The following LAMA5 variants were observed in gnomAD, a reference collection of about 807,000 sequenced individuals.
LAMA5 encodes the protein laminin subunit alpha 5, also known as laminin subunit alpha-5.
LAMA5 carries 260 observed loss-of-function variants against 433.4 expected under a neutral mutation model. The observed-to-expected ratio is 0.60, with a 90% CI of 0.54 to 0.66. The LOEUF (loss-of-function observed/expected upper bound fraction) is 0.66, where lower values mean the gene tolerates loss of function less well. Ranked by LOEUF, LAMA5 falls within the 30% of genes least tolerant of loss-of-function variation. The probability of loss-of-function intolerance (pLI) is 0.00; values close to 1 mark genes in which losing one functional copy is unlikely to be tolerated. For synonymous variants in LAMA5, 2,620 were observed against 2,226.6 expected (o/e 1.18, Z -4.97); for missense variants, 5,378 against 5,258.5 (o/e 1.02, Z -0.70).
Position 62,324,568 on chromosome 20 carries a change from G to T in LAMA5, c.5530-14C>A. 6.3e-7 allele frequency: 1 copy of T among 1,585,052 alleles called. No individual in the cohort carries two copies. The highest frequency in any genetic ancestry group is 1.7e-4 in the Middle Eastern group (1 of 6,024). On this transcript the variant is annotated splice_polypyrimidine_tract_variant and intron_variant, in intron 41 of 79. Coordinates refer to ENST00000252999, the MANE Select transcript of LAMA5 (RefSeq NM_005560.6). The surrounding 1 kb of genome is among the most constrained non-coding windows in gnomAD (Gnocchi z 4.4). ...GGGGGCACATTCCTGAGGGTGTACGGGGGCAGGTGGCATCAGCGATTGAGA... is the reference window on the plus strand; with the variant it reads ...GGGGGCACATTCCTGAGGGTGTACGTGGGCAGGTGGCATCAGCGATTGAGA...
intron 11 of LAMA5, 32 bp from the exon 12 acceptor site, chr20:62,338,640 G>A (rs1982100557): frequency 6.3e-7 from 1 of 1,591,574 alleles, no homozygotes; most frequent in African/African-American, 1.3e-5. Context: ...GGGAGTCTCA[G>A]ATGCCCTGCA....
At chr20:62,364,107 G>A (rs184679462) in intron 1 of LAMA5, among the ~76,000 whole-genome samples, 17 of 152,308 alleles carry the variant, frequency 1.1e-4, no homozygotes, top group Admixed American at 1.1e-3. Context: ...CACCACCTAA[G>A]CATTCTCGTG....
chr20:62,310,675 G>A lies in LAMA5; in HGVS notation c.10436C>T (p.Ser3479Phe). The change falls in exon 75 of 80, where the codon TCC becomes TTC. Residue 3479 changes from serine (S) to phenylalanine (F), a missense_variant. Coordinates refer to ENST00000252999, the MANE Select transcript of LAMA5 (RefSeq NM_005560.6). ...CAAGATGGTTCTCACCGGAAGTTTG[G>A]AGCTGTGGCTGCTGGCCGGGAGGCC... ...VGGLPASSHSSKLPVTVGFSG... is the reference protein window; with the variant it reads ...VGGLPASSHSFKLPVTVGFSG... 1 of 1,603,456 alleles carries A rather than the reference G, an allele frequency of 6.2e-7. No individual in the cohort carries two copies.
Position 62,310,616 on chromosome 20 carries a change from A to G in LAMA5, c.10447-44T>C, listed in dbSNP as rs571616853. 20 of 1,583,640 alleles carry G rather than the reference A, an allele frequency of 1.3e-5. No individual in the cohort carries two copies. In the South Asian group the frequency reaches 2.2e-4, roughly 17 times the overall value. On this transcript the variant is annotated intron_variant, in intron 75 of 79. Transcript: ENST00000252999. The stretch of plus-strand genomic sequence containing the variant: ...CAGGGATCAGGGCCCAGGGCAGCTG[A>G]AAGGGAACAGTGGGTGGGGAGTGGG...
chr20:62,365,510 G>A (rs372413810), intron 1 of LAMA5, among the ~76,000 whole-genome samples: 1 of 152,168 alleles, frequency 6.6e-6, no homozygotes, highest in Admixed American at 6.5e-5. Context: ...GCTGTGGGGG[G>A]GTGGTCTGAG....
rs974538809 is a variant in LAMA5 at position 62,322,332 on chromosome 20, T to C, written c.6283A>G (p.Met2095Val). Residue 2095 changes from methionine to valine, a missense_variant, in exon 47 of 80, where the codon ATG becomes GTG. By Grantham distance (21) the Met-to-Val change is conservative. Coordinates refer to ENST00000252999, the MANE Select transcript of LAMA5 (RefSeq NM_005560.6). ...GCACACTCGCGGCACTGGGGTCCCA[T>C]GGTCCCTGGTCGGCAGTGGCACTGT... ...SGQCHCRPGTMGPQCRECAPG... is the reference protein window; with the variant it reads ...SGQCHCRPGTVGPQCRECAPG... 7.5e-6 allele frequency: 12 copies of C among 1,598,094 alleles called. No homozygotes were observed. The African/African-American group carries it at 1.5e-4, about 20-fold the overall frequency.
rs1555883681 is a variant in LAMA5, at chr20:62,349,677, A to ATGATGGTGATGG, written c.956+2026_956+2027insCCATCACCATCA. On this transcript the variant is annotated intron_variant, in intron 6 of 79. Transcript: ENST00000252999. ...GATGGGGATGGGGATGGTGGGGGTG[A>ATGATGGTGATGG]TGGGGGTGATGATGGTGATGGTGAT... Among the ~76,000 whole-genome samples the ATGATGGTGATGG allele has an allele frequency of 2.3e-3, 9 of 3,988 alleles. 1 individual carries two copies. The highest frequency in any genetic ancestry group is 4.5e-3 in the Admixed American group (1 of 220). 2.6% of individuals were successfully genotyped at this position (3,988 alleles called of 152,430 possible). A position where few individuals can be genotyped will look rare whatever the true frequency, so the allele number is the denominator to read the frequency against.
chr20:62,313,946 CATGGAGAG>C lies in LAMA5; in HGVS notation c.8505-152_8505-145del, dbSNP rs1986620511. On this transcript the variant is annotated intron_variant, in intron 62 of 79. Transcript: ENST00000252999. ...GGAGAGACGAGGGGTGGCGAGTGGG[CATGGAGAG>C]ACGGGTGGCGAGTGGGCACAGAGAC... 1.8e-5 allele frequency: 13 copies of C among 720,070 alleles called. 2 individuals are homozygous for C. Among genetic ancestry groups the C allele is most frequent in the East Asian group, 1.0e-4 (3 of 29,466 alleles). 44.6% of individuals were successfully genotyped at this position (720,070 alleles called of 1,614,324 possible). A position where few individuals can be genotyped will look rare whatever the true frequency, so the allele number is the denominator to read the frequency against.
rs374228711 is a variant in LAMA5, at chr20:62,324,958, GAC to G, written c.5529+356_5529+357del. On this transcript the variant is annotated intron_variant, in intron 41 of 79. Coordinates refer to ENST00000252999, the MANE Select transcript of LAMA5 (RefSeq NM_005560.6). This position sits in a 1 kb window ranked among gnomAD's most constrained non-coding sequence, Gnocchi z 4.4. ...AGCAGGGCAGATTAGCAGCTGGACA[GAC>G]ACACAGTGGGCGAGGGATGGGCAGA... 33 of 395,874 alleles carry G rather than the reference GAC, an allele frequency of 8.3e-5. No individual in the cohort carries two copies. In the East Asian group the frequency reaches 1.3e-3, roughly 16 times the overall value. 24.5% of individuals were successfully genotyped at this position (395,874 alleles called of 1,614,324 possible). A position where few individuals can be genotyped will look rare whatever the true frequency, so the allele number is the denominator to read the frequency against.
chr20:62,358,403 A>T lies in LAMA5; in HGVS notation c.450+3997T>A, dbSNP rs527362537. On this transcript the variant is annotated intron_variant, in intron 2 of 79. Coordinates refer to ENST00000252999, the MANE Select transcript of LAMA5 (RefSeq NM_005560.6). ...ACCTGTCCCGGCCGCCGAGCTCTGT[A>T]ACTAGAGCCTGGCCGCAGCTGCACT... 4.6e-5 allele frequency among the ~76,000 whole-genome samples: 7 copies of T among 152,234 alleles called. No homozygotes were observed. In the South Asian group the frequency reaches 1.4e-3, roughly 32 times the overall value.
Position 62,324,669 on chromosome 20 carries a change from G to A in LAMA5, c.5530-115C>T, listed in dbSNP as rs45513294. ...TGCAGGCACGAGGCACTGGGAACCC[G>A]TGGAGCATGGTCACCGCTGGGTCAG... On this transcript the variant is annotated intron_variant, in intron 41 of 79. Coordinates refer to ENST00000252999, the MANE Select transcript of LAMA5 (RefSeq NM_005560.6). This position sits in a 1 kb window ranked among gnomAD's most constrained non-coding sequence, Gnocchi z 4.4. The A allele has an allele frequency of 0.011, 7,473 of 698,554 alleles. 98 individuals carry two copies. The highest frequency in any genetic ancestry group is 0.056 in the Admixed American group (2,592 of 46,462). The allele number at this position is 698,554 out of a possible 1,614,324, so 43.3% of individuals were successfully genotyped here.
chr20:62,352,025 G>T lies in LAMA5; in HGVS notation c.742C>A (p.Pro248Thr), dbSNP rs766412407. ...GCCTTGGTGAACTCACGTAGCAGCG[G>T]CGAGTAGGAGAAATTCATGGCGCCC... ...RPGAMNFSYSPLLREFTKATN... is the reference protein window; with the variant it reads ...RPGAMNFSYSTLLREFTKATN... Residue 248 changes from proline to threonine, a missense_variant, in exon 5 of 80, where the codon CCG (proline) becomes ACG (threonine). Physicochemically the swap from Pro to Thr is conservative, Grantham distance 38 (BLOSUM62 -1). Transcript: ENST00000252999. 1.2e-6 allele frequency: 2 copies of T among 1,612,598 alleles called. No individual in the cohort carries two copies. Among genetic ancestry groups the T allele is most frequent in the South Asian group, 2.2e-5 (2 of 91,082 alleles).
chr20:62,333,839 G>GGGGTA, intron 23 of LAMA5, 62 bp downstream of exon 23: 1 of 1,447,614 alleles, frequency 6.9e-7, no homozygotes, highest in Admixed American at 2.1e-5. Flanking sequence ...GCTTGGGAGT[G>GGGGTA]GGGTGGGGTG....
rs1378761682 is a variant in LAMA5 at position 62,346,896 on chromosome 20, T to C, written c.1072+17A>G. ...AGGGTGTGGGCAGGACACACGTGTG[T>C]GGGAGGAGGCACTCACACTGGCACT... On this transcript the variant is annotated intron_variant, in intron 7 of 79. Coordinates refer to ENST00000252999, the MANE Select transcript of LAMA5 (RefSeq NM_005560.6). The C allele has an allele frequency of 6.8e-6, 11 of 1,610,534 alleles. No homozygotes were observed. Among genetic ancestry groups the C allele is most frequent in the Non-Finnish European group, 9.3e-6 (11 of 1,177,840 alleles).
At chr20:62,363,136 A>G (rs980111168) in intron 1 of LAMA5, among the ~76,000 whole-genome samples, 1 of 151,502 alleles carries the variant, frequency 6.6e-6, no homozygotes, top group African/African-American at 2.4e-5. Context: ...AGGCGGCCAG[A>G]CCCCCCCCCA....
intron 2 of LAMA5, 59 bp from the exon 3 acceptor site, chr20:62,353,310 G>C: frequency 1.6e-6 from 2 of 1,254,728 alleles, no homozygotes; most frequent in South Asian, 1.3e-5. Context: ...TGCTCCCAGG[G>C]GCCTGGCTCA....
chr20:62,320,377 T>C (rs1987548381), intron 50 of LAMA5, among the ~76,000 whole-genome samples, 182 bp downstream of exon 50: 2 of 137,098 alleles, frequency 1.5e-5, no homozygotes, highest in Non-Finnish European at 3.1e-5. Flanking sequence ...TGTAAACAAA[T>C]GTATTAGGTA....
chr20:62,310,902 CT>C lies in LAMA5; in HGVS notation c.10280del (p.Lys3427ArgfsTer14). ...RQRSRPGRWH[K>X]VSVRWEKNRI... is the part of the protein sequence containing the mutation. ...CACCTTCCTTCTTCTCGGCCCTCAC[CT>C]TGTGCCAGCGGCCAGGCCGGGAGCG... is the stretch of plus-strand genomic sequence containing the variant. On this transcript the variant is annotated frameshift_variant and splice_region_variant, in exon 74 of 80. Coordinates refer to ENST00000252999, the MANE Select transcript of LAMA5 (RefSeq NM_005560.6). LOFTEE classifies it high-confidence loss of function. 1 of 1,610,146 alleles carries C rather than the reference CT, an allele frequency of 6.2e-7. No homozygotes were observed. Among genetic ancestry groups the C allele is most frequent in the Non-Finnish European group, 8.5e-7 (1 of 1,179,258 alleles).
At position 62,359,267 on chromosome 20, in the gene LAMA5, G is replaced by A. The variant is rs1056565179; in HGVS notation, c.450+3133C>T. ...CCGCCCCCACGGTCAGGCCACCCAG[G>A]GGCCGACTGGAGAGGGAGGGGACAC... is the stretch of plus-strand genomic sequence containing the variant. On this transcript the variant is annotated intron_variant, in intron 2 of 79. Transcript: ENST00000252999. The surrounding 1 kb of genome is among the most constrained non-coding windows in gnomAD (Gnocchi z 4.3). Among the ~76,000 whole-genome samples, 17 of 152,100 alleles carry A rather than the reference G, an allele frequency of 1.1e-4. No homozygotes were observed. The highest frequency in any genetic ancestry group is 2.2e-4 in the Non-Finnish European group (15 of 67,992).
Sources: gnomAD v4.1 joint callset for allele counts (sites outside exome capture counted in the v4.1 genomes callset) on GRCh38, gnomAD v4.1.1 for gene constraint, Gnocchi (gnomAD v3.1) non-coding constraint, MANE v1.5 for transcripts, NCBI Gene and HGNC (gene_info 2026-07-23, HGNC 2026-07-21) for gene names.